CNTN5: variants seen among roughly 807,000 people sequenced by gnomAD.
The protein encoded by CNTN5 is contactin 5.
Under a neutral mutation model 129.1 loss-of-function variants are expected in CNTN5, and 77 were observed. That is an observed-to-expected ratio of 0.60 (90% confidence interval 0.50 to 0.72). The LOEUF (loss-of-function observed/expected upper bound fraction) is 0.72. Ranked by LOEUF, CNTN5 falls within the 30% of genes least tolerant of loss-of-function variation. CNTN5 has a pLI of 0.00. For synonymous variants in CNTN5, 509 were observed against 465.6 expected, an observed-to-expected ratio of 1.09 and a Z score of -1.20; for missense variants, 1,478 against 1,328.8, an observed-to-expected ratio of 1.11 and a Z score of -1.75.
chr11:99,136,502 G>T (rs955538244), intron 1 of CNTN5, among the ~76,000 whole-genome samples: 5 of 151,986 alleles, frequency 3.3e-5, no homozygotes, highest in African/African-American at 1.2e-4. Context: ...ATATGTCTTT[G>T]CTTCTTCCCT....
chr11:99,947,036 T>TTCATAAATATGATATAA (rs71463600), intron 7 of CNTN5, among the ~76,000 whole-genome samples: 132 of 151,422 alleles, frequency 8.7e-4, no homozygotes, highest in African/African-American at 3.0e-3. Flanking sequence ...GAGTATGTTT[T>TTCATAAATATGATATAA]ACATTATAAA....
rs1950274470 is a variant in CNTN5, at chr11:100,265,023, A to G, written c.2165-6069A>G. 2.0e-5 allele frequency among the ~76,000 whole-genome samples: 3 copies of G among 151,996 alleles called. No individual in the cohort carries two copies. In the South Asian group the frequency reaches 6.2e-4, roughly 32 times the overall value. ...TTTTTTATATGTTTGTTGGCCACAT[A>G]AATGTCTTTTTTTGAGAAGTGTTTG... On this transcript the variant is annotated intron_variant, in intron 17 of 24. Coordinates refer to ENST00000524871, the MANE Select transcript of CNTN5 (RefSeq NM_014361.4).
intron 9 of CNTN5, among the ~76,000 whole-genome samples, chr11:100,041,289 G>T (rs2137678358): frequency 6.6e-6 from 1 of 152,038 alleles, no homozygotes; most frequent in South Asian, 2.1e-4. Flanking sequence ...ACACTAGATT[G>T]GCTGTGCCTA....
rs145173169 is a variant in CNTN5, at chr11:99,474,188, G to A, written c.-70-81957G>A. 1.6e-3 allele frequency among the ~76,000 whole-genome samples: 242 copies of A among 150,158 alleles called. 4 individuals carry two copies. The highest frequency in any genetic ancestry group is 3.5e-3 in the Middle Eastern group (1 of 288). ...ATTTATATATAAAAAATACTGTATT[G>A]TAATAAGAAGTTCTAGGGATTTTTT... On this transcript the variant is annotated intron_variant, in intron 2 of 24. Transcript: ENST00000524871.
At chr11:99,254,579 A>G (rs184706190) in intron 1 of CNTN5, among the ~76,000 whole-genome samples, 4 of 152,068 alleles carry the variant, frequency 2.6e-5, no homozygotes, top group Non-Finnish European at 4.4e-5. Flanking sequence ...AATATGAACT[A>G]TATTTGTCCC....
intron 8 of CNTN5, among the ~76,000 whole-genome samples, chr11:99,968,342 G>A (rs1565734744): frequency 6.6e-6 from 1 of 152,154 alleles, no homozygotes; most frequent in South Asian, 2.1e-4. Flanking sequence ...TCTACTATTT[G>A]GTGGTGGGGA....
chr11:99,726,220 G>A (rs529145428), intron 3 of CNTN5, among the ~76,000 whole-genome samples: 1 of 152,304 alleles, frequency 6.6e-6, no homozygotes, highest in East Asian at 1.9e-4. Flanking sequence ...AGACAGTAGC[G>A]AGCAGTGGAA....
intron 1 of CNTN5, among the ~76,000 whole-genome samples, chr11:99,285,289 C>G (rs1486358256): frequency 6.6e-6 from 1 of 152,072 alleles, no homozygotes; most frequent in African/African-American, 2.4e-5. Context: ...TATTTTACTT[C>G]CTTTAGTGTT....
At chr11:99,233,900 C>A (rs1011456735) in intron 1 of CNTN5, among the ~76,000 whole-genome samples, 9 of 151,948 alleles carry the variant, frequency 5.9e-5, no homozygotes, top group Non-Finnish European at 1.0e-4. Context: ...GAGCGGAGAT[C>A]GCACCACTGC....
chr11:100,061,625 C>T (rs368458269), intron 10 of CNTN5, among the ~76,000 whole-genome samples: 3 of 152,140 alleles, frequency 2.0e-5, no homozygotes, highest in South Asian at 2.1e-4. Context: ...ACAGAACTTA[C>T]GTCCTTAAAA....
chr11:100,076,090 G>C (rs1350001890), intron 13 of CNTN5, among the ~76,000 whole-genome samples: 1 of 152,006 alleles, frequency 6.6e-6, no homozygotes, highest in Admixed American at 6.6e-5. Flanking sequence ...GTGGATTTTT[G>C]CTCACAACAC....
intron 2 of CNTN5, among the ~76,000 whole-genome samples, chr11:99,336,742 C>T (rs1262143220): frequency 6.6e-6 from 1 of 151,674 alleles, no homozygotes; most frequent in Non-Finnish European, 1.5e-5. Context: ...GCAGGAGAAT[C>T]GCTTGAACCC....
chr11:100,224,158 C>A (rs1453444789), intron 15 of CNTN5, among the ~76,000 whole-genome samples: 1 of 152,094 alleles, frequency 6.6e-6, no homozygotes, highest in East Asian at 1.9e-4. Context: ...AGGAATATGT[C>A]TTTGTTAAGT....
At chr11:99,404,062 A>G (rs963470443) in intron 2 of CNTN5, among the ~76,000 whole-genome samples, 2 of 152,098 alleles carry the variant, frequency 1.3e-5, no homozygotes, top group African/African-American at 4.8e-5. Flanking sequence ...TATATTTAAA[A>G]TTTTTATATC....
chr11:99,112,524 A>G (rs1857847670), intron 1 of CNTN5, among the ~76,000 whole-genome samples: 1 of 152,066 alleles, frequency 6.6e-6, no homozygotes, highest in Non-Finnish European at 1.5e-5. Flanking sequence ...TAGATTGTGA[A>G]TGCACACGTT....
intron 3 of CNTN5, among the ~76,000 whole-genome samples, chr11:99,690,085 C>T (rs1334468829): frequency 6.6e-6 from 1 of 152,042 alleles, no homozygotes; most frequent in Admixed American, 6.6e-5. Flanking sequence ...GTCTTTAATT[C>T]ATCTTGAGTT....
At chr11:99,617,454 G>C (rs936205974) in intron 3 of CNTN5, among the ~76,000 whole-genome samples, 1 of 152,054 alleles carries the variant, frequency 6.6e-6, no homozygotes, top group Non-Finnish European at 1.5e-5. Context: ...TTATCTTCCC[G>C]AAGGCTCTGA....
intron 3 of CNTN5, among the ~76,000 whole-genome samples, chr11:99,794,186 T>C (rs1191906691): frequency 6.6e-6 from 1 of 152,082 alleles, no homozygotes; most frequent in African/African-American, 2.4e-5. Flanking sequence ...TTGTCTTTTT[T>C]TTTTTTTTTA....
chr11:99,452,110 C>G (rs755724460), intron 2 of CNTN5, among the ~76,000 whole-genome samples: 4 of 151,968 alleles, frequency 2.6e-5, no homozygotes, highest in Non-Finnish European at 5.9e-5. Context: ...TTCAAAATTC[C>G]TTGAATTTCA....
Sources: allele counts gnomAD v4.1 joint callset (sites outside exome capture counted in the v4.1 genomes callset), GRCh38; gene constraint gnomAD v4.1.1; transcripts MANE v1.5; gene names NCBI Gene and HGNC (gene_info 2026-07-23, HGNC 2026-07-21).